AFG2A: variants seen among roughly 807,000 people sequenced by gnomAD.
AFG2A encodes ATPase family gene 2 protein homolog A.
the AFG2A span, among the ~76,000 whole-genome samples, chr4:123,112,469 C>G: frequency 6.6e-6 from 1 of 152,146 alleles, no homozygotes; most frequent in Admixed American, 6.5e-5. Flanking sequence ...CAAAATGGTT[C>G]TTGATTTAAG....
the AFG2A span, among the ~76,000 whole-genome samples, chr4:122,945,548 AC>A: frequency 6.6e-6 from 1 of 152,064 alleles, no homozygotes; most frequent in African/African-American, 2.4e-5. Flanking sequence ...GCTGTCTGTC[AC>A]CCCTTTCCTT....
chr4:123,053,905 G>A, the AFG2A span, among the ~76,000 whole-genome samples: 38 of 152,248 alleles, frequency 2.5e-4, no homozygotes, highest in Admixed American at 1.8e-3. Context: ...TGAGCATGTC[G>A]GGGAGGATCA....
chr4:123,076,866 T>C, the AFG2A span, among the ~76,000 whole-genome samples: 2 of 152,044 alleles, frequency 1.3e-5, no homozygotes, highest in Non-Finnish European at 2.9e-5. Flanking sequence ...CCCATCTAGA[T>C]GTTTCAGAAG....
At chr4:123,166,871 G>A in the AFG2A span, among the ~76,000 whole-genome samples, 1 of 151,942 alleles carries the variant, frequency 6.6e-6, no homozygotes, top group Non-Finnish European at 1.5e-5. Context: ...ATAACGTATG[G>A]ATCCTATCTG....
chr4:123,222,649 A>T, the AFG2A span, among the ~76,000 whole-genome samples: 1 of 152,106 alleles, frequency 6.6e-6, no homozygotes. Flanking sequence ...TAACTGAAGC[A>T]TTGCTTCACT....
the AFG2A span, among the ~76,000 whole-genome samples, chr4:123,159,787 A>G: frequency 1.3e-5 from 2 of 152,180 alleles, no homozygotes. Context: ...AGTGAACAGG[A>G]TAATGTATCA....
the AFG2A span, among the ~76,000 whole-genome samples, chr4:123,032,431 C>T: frequency 3.9e-5 from 6 of 152,162 alleles, no homozygotes; most frequent in Non-Finnish European, 7.4e-5. Flanking sequence ...CTCACTCTGT[C>T]GCCCAGGCTG....
the AFG2A span, among the ~76,000 whole-genome samples, chr4:123,073,187 GA>G: frequency 7.4e-5 from 11 of 148,330 alleles, no homozygotes; most frequent in Non-Finnish European, 1.3e-4. Context: ...TTTTTAAACT[GA>G]AAAAAAATAT....
the AFG2A span, among the ~76,000 whole-genome samples, chr4:123,074,348 G>T: frequency 1.9e-3 from 291 of 151,536 alleles, no homozygotes; most frequent in African/African-American, 5.7e-3. Flanking sequence ...ATCCATCTTG[G>T]CCTTCCATTC....
the AFG2A span, among the ~76,000 whole-genome samples, chr4:122,951,456 A>ACACACACACACG: frequency 1.3e-5 from 2 of 151,040 alleles, no homozygotes; most frequent in Admixed American, 1.3e-4. Flanking sequence ...ACACACACAC[A>ACACACACACACG]CACGCACGCA....
chr4:123,160,189 T>C, the AFG2A span, among the ~76,000 whole-genome samples: 1 of 152,164 alleles, frequency 6.6e-6, no homozygotes, highest in Non-Finnish European at 1.5e-5. Context: ...ATGAGATTTT[T>C]ACCCACCCTA....
chr4:123,018,800 A>ATT, the AFG2A span, among the ~76,000 whole-genome samples: 40 of 140,806 alleles, frequency 2.8e-4, no homozygotes, highest in African/African-American at 4.1e-4. Flanking sequence ...CGCCCAGCTA[A>ATT]TTTTTTTTTT....
chr4:123,106,825 G>C, the AFG2A span, among the ~76,000 whole-genome samples: 423 of 152,352 alleles, frequency 2.8e-3, 1 homozygote, highest in African/African-American at 1.0e-2. Flanking sequence ...CACTCTGCTC[G>C]TGCTACTGGC....
the AFG2A span, among the ~76,000 whole-genome samples, chr4:123,125,711 T>G: frequency 6.6e-6 from 1 of 152,320 alleles, no homozygotes; most frequent in East Asian, 1.9e-4. Flanking sequence ...AGTCTAGTAC[T>G]CTTTTATTTC....
chr4:123,273,539 AT>A, the AFG2A span, among the ~76,000 whole-genome samples: 1 of 152,150 alleles, frequency 6.6e-6, no homozygotes, highest in Non-Finnish European at 1.5e-5. Flanking sequence ...GTAAATTAAT[AT>A]TGTTTCCTAG....
chr4:123,151,234 C>G, the AFG2A span, among the ~76,000 whole-genome samples: 2 of 152,178 alleles, frequency 1.3e-5, no homozygotes, highest in East Asian at 3.9e-4. Context: ...ACTAAAACAC[C>G]AAAAGCAAAG....
chr4:123,014,480 G>A, the AFG2A span, among the ~76,000 whole-genome samples: 1,188 of 151,892 alleles, frequency 7.8e-3, 19 homozygotes, highest in African/African-American at 0.027. Flanking sequence ...CATTTTTAAG[G>A]TGAATTAAGA....
the AFG2A span, among the ~76,000 whole-genome samples, chr4:123,267,301 T>C: frequency 6.6e-6 from 1 of 152,056 alleles, no homozygotes; most frequent in Non-Finnish European, 1.5e-5. Flanking sequence ...TTTTATTTTA[T>C]TTGTGTTTCA....
the AFG2A span, among the ~76,000 whole-genome samples, chr4:123,153,092 G>A: frequency 3.9e-5 from 6 of 152,112 alleles, no homozygotes; most frequent in African/African-American, 1.4e-4. Flanking sequence ...TTATCTCAGT[G>A]GGCAATTGAG....
Sources: gnomAD v4.1 joint callset for allele counts (sites outside exome capture counted in the v4.1 genomes callset) on GRCh38, gnomAD v4.1.1 for gene constraint, MANE v1.5 for transcripts, NCBI Gene and HGNC (gene_info 2026-07-23, HGNC 2026-07-21) for gene names.